RSRP1: variants seen among roughly 807,000 people sequenced by gnomAD.
RSRP1 encodes the protein arginine/serine-rich protein 1.
A neutral mutation model predicts 33.0 loss-of-function variants in RSRP1; 37 were observed. The ratio of observed to expected loss-of-function variants is 1.12; its 90% CI spans 0.86 to 1.48. RSRP1 has a LOEUF of 1.48. Among genes scored for constraint, RSRP1 ranks in the 40% most tolerant of loss-of-function variants. The probability of loss-of-function intolerance (pLI) is 0.00; values close to 1 mark genes in which losing one functional copy is unlikely to be tolerated. For synonymous variants in RSRP1, 167 were observed against 158.7 expected, an observed-to-expected ratio of 1.05 and a Z score of -0.40; for missense variants, 402 against 385.3, an observed-to-expected ratio of 1.04 and a Z score of -0.36.
chr1:25,311,981 A>G (rs1465786813), intron 1 of RSRP1, among the ~76,000 whole-genome samples: 1 of 125,670 alleles, frequency 8.0e-6, no homozygotes, highest in Non-Finnish European at 1.9e-5. Flanking sequence ...CACCGCCAAG[A>G]CCCCAGAATG....
intron 1 of RSRP1, among the ~76,000 whole-genome samples, chr1:25,266,453 C>T (rs1213247121): frequency 7.8e-6 from 1 of 128,854 alleles, no homozygotes; most frequent in African/African-American, 2.8e-5. Flanking sequence ...ATTCCTCCAC[C>T]CTGAGACATT....
intron 1 of RSRP1, among the ~76,000 whole-genome samples, chr1:25,255,806 G>A (rs1441163529): frequency 1.3e-5 from 2 of 152,098 alleles, no homozygotes; most frequent in South Asian, 2.1e-4. Context: ...TAGATTCCTC[G>A]CATGCACAGA....
At position 25,258,765 on chromosome 1, in the gene RSRP1, T is replaced by C. The variant is rs574343675; in HGVS notation, c.-66-11736A>G. Among the ~76,000 whole-genome samples the C allele has an allele frequency of 3.5e-4, 54 of 152,362 alleles. 1 individual carries two copies. The Middle Eastern group carries it at 0.01, about 29-fold the overall frequency. On this transcript the variant is annotated intron_variant, in intron 1 of 1. Transcript: ENST00000561867. ...AAGCATAAAGAATTATCTTTCTTTC[T>C]GGAACCAAACAATGAAATAAATATC...
At position 25,268,600 on chromosome 1, in the gene RSRP1, A is replaced by G. The variant is rs1640398276; in HGVS notation, c.-66-21571T>C. On this transcript the variant is annotated intron_variant, in intron 1 of 1. Coordinates refer to the RSRP1 transcript ENST00000561867. ...GTGAAGGAAACTAAAAGGGGAACAC[A>G]AGGAACCCTTGTCAAGGGGAGAAGA... 1.5e-5 allele frequency among the ~76,000 whole-genome samples: 2 copies of G among 131,008 alleles called. 1 individual carries two copies. 85.9% of individuals were successfully genotyped at this position (131,008 alleles called of 152,430 possible). A position where few individuals can be genotyped will look rare whatever the true frequency, so the allele number is the denominator to read the frequency against.
At chr1:25,246,373 T>A in intron 2 of RSRP1, 71 bp downstream of exon 2, 1 of 1,556,834 alleles carries the variant, frequency 6.4e-7, no homozygotes, top group Non-Finnish European at 8.7e-7. Flanking sequence ...CACAGCAACG[T>A]TGGTTCCCTA....
At position 25,278,680 on chromosome 1, in the gene RSRP1, C is replaced by G. The variant is rs558208835; in HGVS notation, c.-66-31651G>C. Among the ~76,000 whole-genome samples, 234 of 131,956 alleles carry G rather than the reference C, an allele frequency of 1.8e-3. 42 individuals are homozygous for G. The highest frequency in any genetic ancestry group is 0.012 in the Middle Eastern group (3 of 246). The allele number at this position is 131,956 out of a possible 152,430, so 86.6% of individuals were successfully genotyped here. On this transcript the variant is annotated intron_variant, in intron 1 of 1. Transcript: ENST00000561867. ...TATCCTGGGTCCTGTGCTGTGGATACCACTCAGTCCCCCATCCCCACCCCA... is the reference window on the plus strand; with the variant it reads ...TATCCTGGGTCCTGTGCTGTGGATAGCACTCAGTCCCCCATCCCCACCCCA...
In RSRP1 at chr1:25,295,849, A is replaced by AGTTTTTTTGTTTTT. The variant is rs1557534285; in HGVS notation, c.-67+42128_-67+42129insAAAAACAAAAAAAC. Among the ~76,000 whole-genome samples the AGTTTTTTTGTTTTT allele has an allele frequency of 8.9e-5, 3 of 33,728 alleles. 1 individual carries two copies. The highest frequency in any genetic ancestry group is 5.8e-5 in the African/African-American group (1 of 17,192). The allele number at this position is 33,728 out of a possible 152,430, so 22.1% of individuals were successfully genotyped here. The stretch of plus-strand genomic sequence containing the variant: ...CAATGGTCTGGGAGGGAATATGGGA[A>AGTTTTTTTGTTTTT]ATTTTTTTTTTTTTTTTTTTTTTTT... On this transcript the variant is annotated intron_variant, in intron 1 of 1. Transcript: ENST00000561867.
chr1:25,284,565 C>T (rs777188739), intron 1 of RSRP1: 12 of 1,388,840 alleles, frequency 8.6e-6, no homozygotes, highest in Non-Finnish European at 1.2e-5. Context: ...CATCTCCCCA[C>T]CGAGCAGTTG....
chr1:25,316,583 C>T (rs1268919192), intron 1 of RSRP1, among the ~76,000 whole-genome samples: 4 of 83,410 alleles, frequency 4.8e-5, no homozygotes, highest in Middle Eastern at 7.9e-3. Context: ...CCAGTCTGGA[C>T]GACAGAGTGA....
Position 25,291,270 on chromosome 1 carries a change from ACCAG to A in RSRP1, c.-66-44245_-66-44242del, listed in dbSNP as rs1185110403. 1.5e-5 allele frequency among the ~76,000 whole-genome samples: 2 copies of A among 130,576 alleles called. 1 individual carries two copies. The highest frequency in any genetic ancestry group is 3.6e-5 in the Non-Finnish European group (2 of 55,242). 85.7% of individuals were successfully genotyped at this position (130,576 alleles called of 152,430 possible). ...GATCACCTGAGGTCAGGAGTTCAAG[ACCAG>A]CCTGGTCAACATGGGGGAACCTCAT... On this transcript the variant is annotated intron_variant, in intron 1 of 1. Transcript: ENST00000561867.
intron 1 of RSRP1, chr1:25,337,641 GGC>G (rs1215884611): frequency 7.1e-6 from 1 of 141,572 alleles, no homozygotes; most frequent in Non-Finnish European, 1.5e-5. Flanking sequence ...ACTGGGTAGA[GGC>G]GGGGGATGCA....
In RSRP1 at chr1:25,242,699, C is replaced by G; in HGVS notation, c.763G>C (p.Val255Leu). The change falls in exon 5 of 5, where the codon GTA (valine) becomes CTA (leucine). Residue 255 changes from valine (V) to leucine (L), a missense_variant. Physicochemically the swap from Val to Leu is conservative, Grantham distance 32. Coordinates refer to ENST00000243189, the MANE Select transcript of RSRP1 (RefSeq NM_020317.5). Reference sequence around the variant, plus strand: ...GCTGATTTTTGTATTGGCTTTGCTACAGAATTCTGTAAAAGAACAAATTCA... The same window carrying G: ...GCTGATTTTTGTATTGGCTTTGCTAGAGAATTCTGTAAAAGAACAAATTCA... ...RSIAFSSNNS[V>L]AKPIQKSAKA... The G allele has an allele frequency of 6.3e-7, 1 of 1,598,358 alleles. No homozygotes were observed. Among genetic ancestry groups the G allele is most frequent in the Non-Finnish European group, 8.5e-7 (1 of 1,174,948 alleles).
intron 1 of RSRP1, chr1:25,253,388 T>C (rs28472488): frequency 0.042 from 6,416 of 152,774 alleles, 489 homozygotes; most frequent in African/African-American, 0.15. Flanking sequence ...TTGTTTGTTT[T>C]TGAGATGGAG....
chr1:25,278,944 A>C (rs571994707), intron 1 of RSRP1, among the ~76,000 whole-genome samples: 4 of 129,360 alleles, frequency 3.1e-5, no homozygotes, highest in East Asian at 3.9e-4. Flanking sequence ...CAGTGGGAGC[A>C]CAGGGTGGAG....
chr1:25,331,669 G>A (rs1369850518), intron 1 of RSRP1, among the ~76,000 whole-genome samples: 1 of 114,824 alleles, frequency 8.7e-6, no homozygotes, highest in Non-Finnish European at 2.0e-5. Flanking sequence ...CCAGGTTCAC[G>A]CCATTCTCCT....
At chr1:25,260,087 T>C (rs1196504383) in intron 1 of RSRP1, among the ~76,000 whole-genome samples, 2 of 152,182 alleles carry the variant, frequency 1.3e-5, no homozygotes, top group South Asian at 2.1e-4. Context: ...GCGGTTTTCT[T>C]AGGCACTTCT....
At chr1:25,333,810 A>G (rs1645046398) in intron 1 of RSRP1, among the ~76,000 whole-genome samples, 1 of 130,130 alleles carries the variant, frequency 7.7e-6, no homozygotes, top group African/African-American at 2.7e-5. Flanking sequence ...CAGCTTGTGC[A>G]GAGAAACTCC....
At position 25,282,464 on chromosome 1, in the gene RSRP1, A is replaced by C. The variant is rs183495634; in HGVS notation, c.-66-35435T>G. Among the ~76,000 whole-genome samples, 11 of 131,602 alleles carry C rather than the reference A, an allele frequency of 8.4e-5. 2 individuals are homozygous for C. The highest frequency in any genetic ancestry group is 2.6e-4 in the African/African-American group (10 of 38,608). The allele number at this position is 131,602 out of a possible 152,430, so 86.3% of individuals were successfully genotyped here. A position where few individuals can be genotyped will look rare whatever the true frequency, so the allele number is the denominator to read the frequency against. On this transcript the variant is annotated intron_variant, in intron 1 of 1. Transcript: ENST00000561867. ...TGGCCAGGCTAGTCTCGAACTGCTGACTTCATGATCTGCCCACCTCATCCT... is the reference window on the plus strand; with the variant it reads ...TGGCCAGGCTAGTCTCGAACTGCTGCCTTCATGATCTGCCCACCTCATCCT...
Position 25,321,522 on chromosome 1 carries a change from T to G in RSRP1, c.-67+16456A>C, listed in dbSNP as rs538480244. Among the ~76,000 whole-genome samples, 71 of 113,702 alleles carry G rather than the reference T, an allele frequency of 6.2e-4. 19 individuals are homozygous for G. Among genetic ancestry groups the G allele is most frequent in the Non-Finnish European group, 1.3e-3 (64 of 49,008 alleles). 74.6% of individuals were successfully genotyped at this position (113,702 alleles called of 152,430 possible). ...CTAAAAAAAAAAAAAAAAAAAAAAT[T>G]AGCTGGATGTGGTGGCAGGCGCCTA... On this transcript the variant is annotated intron_variant, in intron 1 of 1. Transcript: ENST00000561867.
Sources: allele counts gnomAD v4.1 joint callset (sites outside exome capture counted in the v4.1 genomes callset), GRCh38; gene constraint gnomAD v4.1.1; transcripts MANE v1.5; gene names NCBI Gene and HGNC (gene_info 2026-07-23, HGNC 2026-07-21).